The following DNAAF4 variants were observed in gnomAD, a reference collection of about 807,000 sequenced individuals.
DNAAF4 encodes dynein assembly factor 4, axonemal.
In DNAAF4, 43 loss-of-function variants were observed where a neutral mutation model predicts 51.8. That is an observed-to-expected ratio of 0.83 (90% CI 0.65 to 1.07). The LOEUF (loss-of-function observed/expected upper bound fraction) is 1.07. Among genes scored for constraint, DNAAF4 ranks in the 50% least tolerant of loss-of-function variants. DNAAF4 has a pLI of 0.00. For missense variants in DNAAF4, 581 were observed against 493.0 expected (o/e 1.18, Z -1.69); for synonymous variants, 194 against 165.6 (o/e 1.17, Z -1.32).
In DNAAF4 at chr15:55,487,717, G is replaced by A. The variant is rs188343341; in HGVS notation, c.405+3406C>T. ...AGCTGTAACACACCATGAGGTATGCGGCTTCATTCTTGAAGTCAGTGAGAC... is the reference window on the plus strand; with the variant it reads ...AGCTGTAACACACCATGAGGTATGCAGCTTCATTCTTGAAGTCAGTGAGAC... On this transcript the variant is annotated intron_variant, in intron 4 of 9. Transcript: ENST00000321149. 3.4e-3 allele frequency among the ~76,000 whole-genome samples: 516 copies of A among 151,914 alleles called. 5 individuals are homozygous for A. Among genetic ancestry groups the A allele is most frequent in the Middle Eastern group, 6.8e-3 (2 of 294 alleles).
intron 7 of DNAAF4, among the ~76,000 whole-genome samples, chr15:55,436,616 C>T (rs1175794707): frequency 6.6e-6 from 1 of 152,026 alleles, no homozygotes; most frequent in African/African-American, 2.4e-5. Flanking sequence ...AACTCCTGGC[C>T]TCAGGTAATC....
intron 5 of DNAAF4, among the ~76,000 whole-genome samples, chr15:55,455,271 G>C (rs2058001156): frequency 6.7e-6 from 1 of 149,186 alleles, no homozygotes; most frequent in African/African-American, 2.4e-5. Flanking sequence ...ATAGTATATA[G>C]GTCTGGTACA....
intron 3 of DNAAF4, among the ~76,000 whole-genome samples, chr15:55,491,657 A>G (rs1595952828): frequency 7.1e-6 from 1 of 141,372 alleles, no homozygotes; most frequent in African/African-American, 2.6e-5. Flanking sequence ...TATAAAATAT[A>G]TATTATATAT....
intron 9 of DNAAF4, among the ~76,000 whole-genome samples, chr15:55,431,807 G>A (rs1167982253): frequency 6.6e-6 from 1 of 151,408 alleles, no homozygotes; most frequent in East Asian, 2.0e-4. Flanking sequence ...TTAAGAGACA[G>A]GGTCTCACTA....
chr15:55,475,083 C>T (rs539993643), intron 4 of DNAAF4, among the ~76,000 whole-genome samples: 1 of 152,250 alleles, frequency 6.6e-6, no homozygotes, highest in South Asian at 2.1e-4. Flanking sequence ...GAGATAAATG[C>T]CATGTTCCTG....
intron 4 of DNAAF4, among the ~76,000 whole-genome samples, chr15:55,489,223 T>A (rs1366581034): frequency 6.6e-6 from 1 of 152,182 alleles, no homozygotes; most frequent in Non-Finnish European, 1.5e-5. Context: ...TCAGTGAATA[T>A]CTATTGCCAC....
intron 5 of DNAAF4, among the ~76,000 whole-genome samples, chr15:55,463,172 TCACACACACACACACACACA>T (rs3221985): frequency 1.4e-5 from 2 of 140,288 alleles, no homozygotes; most frequent in African/African-American, 2.8e-5. Flanking sequence ...AGACTCTGTC[TCACACACACACACACACACA>T]CACACACACA....
chr15:55,477,845 C>T lies in DNAAF4; in HGVS notation c.406-10684G>A, dbSNP rs2058357009. On this transcript the variant is annotated intron_variant, in intron 4 of 9. Transcript: ENST00000321149. ...CTTCAGGAGGCTGAGGCAGGTGGAT[C>T]ATTTAAGGTCAGGAATTTGAGATCC... Among the ~76,000 whole-genome samples the T allele has an allele frequency of 2.0e-5, 3 of 150,470 alleles. No individual in the cohort carries two copies. The South Asian group carries it at 6.3e-4, about 32-fold the overall frequency.
chr15:55,480,425 T>C (rs897494476), intron 4 of DNAAF4, among the ~76,000 whole-genome samples: 12 of 152,088 alleles, frequency 7.9e-5, no homozygotes, highest in African/African-American at 2.9e-4. Flanking sequence ...CAAGCTAACC[T>C]ACATGTTCAT....
rs1321792380 is a variant in DNAAF4 at position 55,491,171 on chromosome 15, A to G, written c.357T>C (p.Ala119=). 1 of 1,614,058 alleles carries G rather than the reference A, an allele frequency of 6.2e-7. No individual in the cohort carries two copies. The highest frequency in any genetic ancestry group is 1.7e-5 in the Admixed American group (1 of 60,006). The change falls in exon 4 of 10, where the codon GCT becomes GCC. Residue 119 remains alanine (A), a synonymous_variant. Coordinates refer to ENST00000321149, the MANE Select transcript of DNAAF4 (RefSeq NM_130810.4). Reference sequence around the variant, plus strand: ...ATTTTTGATCTTCCCGCTTTGCTGCAGCTTTTGCTTCTGTAGCTTCTTTTG... The same window carrying G: ...ATTTTTGATCTTCCCGCTTTGCTGCGGCTTTTGCTTCTGTAGCTTCTTTTG... ...ERAKEATEAK[A]AAKREDQKYA...
chr15:55,450,344 T>G lies in DNAAF4; in HGVS notation c.661A>C (p.Thr221Pro). 6.2e-7 allele frequency: 1 copy of G among 1,610,458 alleles called. No individual in the cohort carries two copies. The highest frequency in any genetic ancestry group is 8.5e-7 in the Non-Finnish European group (1 of 1,179,194). The change falls in exon 6 of 10, where the codon ACT becomes CCT. Residue 221 changes from threonine to proline, a missense_variant. Thr to Pro is a conservative substitution (Grantham distance 38, BLOSUM62 -1). Transcript: ENST00000321149. ...ATACTGTCTTCCTTTAACTTCTCAG[T>G]AAATATATTTTCTGAATTTCTCCCT... is the stretch of plus-strand genomic sequence containing the variant. ...PKGRNSENIF[T>P]EKLKEDSIPA... is the part of the protein sequence containing the mutation.
At chr15:55,476,806 A>G (rs536451427) in intron 4 of DNAAF4, among the ~76,000 whole-genome samples, 8 of 152,288 alleles carry the variant, frequency 5.3e-5, no homozygotes, top group Middle Eastern at 3.4e-3. Flanking sequence ...GGTGGCTGTC[A>G]AGGGCTGGGA....
chr15:55,498,133 C>T (rs1265070790), intron 2 of DNAAF4, 74 bp downstream of exon 2: 1 of 1,603,288 alleles, frequency 6.2e-7, no homozygotes, highest in East Asian at 2.2e-5. Context: ...GCCTGTTGCT[C>T]GTGCCCAGCT....
rs774191784 is a variant in DNAAF4, at chr15:55,435,088, A to C, written c.894-30T>G. ...TGAGACAAAAACAGAGAAGAAAAAC[A>C]ATTTAACATTGAAACAGAAACACAG... On this transcript the variant is annotated intron_variant, in intron 7 of 9. Transcript: ENST00000321149. The C allele has an allele frequency of 9.6e-6, 15 of 1,561,682 alleles. No individual in the cohort carries two copies. The South Asian group carries it at 1.1e-4, about 11-fold the overall frequency.
chr15:55,423,749 G>T (rs1219619767), intron 7 of DNAAF4, among the ~76,000 whole-genome samples: 2 of 152,070 alleles, frequency 1.3e-5, no homozygotes, highest in Admixed American at 6.6e-5. Flanking sequence ...GATAAGGAGT[G>T]CGAGACCAGG....
At chr15:55,464,056 T>C (rs867840493) in intron 5 of DNAAF4, among the ~76,000 whole-genome samples, 1 of 152,160 alleles carries the variant, frequency 6.6e-6, no homozygotes, top group Non-Finnish European at 1.5e-5. Flanking sequence ...GACTTCAAAC[T>C]ATACTACAAG....
intron 4 of DNAAF4, among the ~76,000 whole-genome samples, chr15:55,480,802 T>C (rs779474177): frequency 1.3e-5 from 2 of 152,176 alleles, no homozygotes; most frequent in Non-Finnish European, 2.9e-5. Flanking sequence ...TCAGGTAGAC[T>C]CTTTGGCAGT....
chr15:55,496,294 C>G (rs75336123), intron 3 of DNAAF4, among the ~76,000 whole-genome samples: 1,922 of 152,282 alleles, frequency 0.013, 24 homozygotes, highest in Non-Finnish European at 0.016. Context: ...TCCTGGAAAG[C>G]TTTTCAAAAC....
downstream of DNAAF4, among the ~76,000 whole-genome samples, chr15:55,427,487 G>C (rs902972795): frequency 3.3e-5 from 5 of 152,128 alleles, no homozygotes; most frequent in Admixed American, 3.3e-4. Flanking sequence ...GTTAGTTCCT[G>C]GTTGGGGGGG....
Sources: allele counts gnomAD v4.1 joint callset (sites outside exome capture counted in the v4.1 genomes callset), GRCh38; gene constraint gnomAD v4.1.1; transcripts MANE v1.5; gene names NCBI Gene and HGNC (gene_info 2026-07-23, HGNC 2026-07-21).